RNF207: variants seen among roughly 807,000 people sequenced by gnomAD.
RNF207 encodes ring finger protein 207.
Under a neutral mutation model 79.0 loss-of-function variants are expected in RNF207, and 72 were observed. The ratio of observed to expected loss-of-function variants is 0.91; its 90% CI spans 0.75 to 1.11. RNF207 has a LOEUF of 1.11. RNF207 is among the 50% of genes least tolerant of loss of function. The pLI is 0.00. For missense variants in RNF207, 936 were observed against 855.8 expected (o/e 1.09, Z -1.17); for synonymous variants, 348 against 366.2 (o/e 0.95, Z 0.57).
chr1:6,211,810 G>A lies in RNF207; in HGVS notation c.1110-57G>A. Reference sequence around the variant, plus strand: ...GCAGTCCAGGGGGCTGCCCTGGGAGGCTGGGGGAGGGGCAGACTTCCCCAC... The same window carrying A: ...GCAGTCCAGGGGGCTGCCCTGGGAGACTGGGGGAGGGGCAGACTTCCCCAC... On this transcript the variant is annotated intron_variant, in intron 12 of 17. Coordinates refer to ENST00000377939, the MANE Select transcript of RNF207 (RefSeq NM_207396.3). This position sits in a 1 kb window ranked among gnomAD's most constrained non-coding sequence, Gnocchi z 4.2. The A allele has an allele frequency of 2.2e-6, 3 of 1,334,076 alleles. No homozygotes were observed. Among genetic ancestry groups the A allele is most frequent in the Non-Finnish European group, 3.1e-6 (3 of 962,542 alleles). The allele number at this position is 1,334,076 out of a possible 1,614,324, so 82.6% of individuals were successfully genotyped here.
At chr1:6,206,803 C>T in intron 2 of RNF207, 77 bp downstream of exon 2, 1 of 1,272,944 alleles carries the variant, frequency 7.9e-7, no homozygotes, top group South Asian at 1.4e-5. Context: ...CGAGCTGGGA[C>T]CCAGGTGCCA....
chr1:6,212,348 C>T lies in RNF207; in HGVS notation c.1414C>T (p.Leu472=). ...CATGGGAGACGTCCTGCACAAGTCC[C>T]TGCAACTGGACGTGCAGATCGCCTC... ...EIMGDVLHKS[L]QLDVQIASEH... is the part of the protein sequence containing the mutation. The change falls in exon 14 of 18, where the codon CTG becomes TTG. Residue 472 remains leucine, a synonymous_variant. Coordinates refer to ENST00000377939, the MANE Select transcript of RNF207 (RefSeq NM_207396.3). 6.2e-7 allele frequency: 1 copy of T among 1,613,960 alleles called. No individual in the cohort carries two copies. Among genetic ancestry groups the T allele is most frequent in the Middle Eastern group, 1.7e-4 (1 of 6,060 alleles).
chr1:6,218,365 G>A lies in RNF207; in HGVS notation c.1729G>A (p.Ala577Thr), dbSNP rs61746089. Residue 577 changes from alanine to threonine, a missense_variant, in exon 17 of 18, where the codon GCC becomes ACC. Physicochemically the swap from Ala to Thr is moderately conservative, Grantham distance 58. Coordinates refer to ENST00000377939, the MANE Select transcript of RNF207 (RefSeq NM_207396.3). ...HDDSRNNAAS[A>T]RNNPGSVPEK... is the part of the protein sequence containing the mutation. ...CGACAGCAGGAACAACGCGGCCTCA[G>A]CCAGGTAAAGCAAGTCTCTCCACTG... The A allele has an allele frequency of 9.0e-4, 1,448 of 1,611,550 alleles. 12 individuals carry two copies. The African/African-American group carries it at 0.017, about 19-fold the overall frequency.
At position 6,219,434 on chromosome 1, in the gene RNF207, G is replaced by T. The variant is rs774799538; in HGVS notation, c.*27G>T. 3.2e-6 allele frequency: 5 copies of T among 1,546,320 alleles called. No individual in the cohort carries two copies. Among genetic ancestry groups the T allele is most frequent in the Non-Finnish European group, 4.4e-6 (5 of 1,138,246 alleles). ...AAATGGGACCGGTCCCCAGGGTCAG[G>T]CTCTTAGAGCAGGCACAAGACTGGG... is the stretch of plus-strand genomic sequence containing the variant. On this transcript the variant is annotated 3_prime_UTR_variant, in exon 18 of 18. Transcript: ENST00000377939.
At position 6,209,323 on chromosome 1, in the gene RNF207, C is replaced by A. The variant is rs1668054741; in HGVS notation, c.607C>A (p.Arg203=). Residue 203 remains arginine, a synonymous_variant, in exon 6 of 18, where the codon CGG becomes AGG. Transcript: ENST00000377939. ...ATCGGCTTACGTGCAGGGCTGCGAG[C>A]GGCTGGAGCAGGCGGTGCTGGTGAG... ...LESAYVQGCE[R]LEQAVLAVKA... 6.5e-7 allele frequency: 1 copy of A among 1,546,156 alleles called. No homozygotes were observed. The highest frequency in any genetic ancestry group is 8.7e-7 in the Non-Finnish European group (1 of 1,146,546).
chr1:6,213,479 A>C (rs1250340134), intron 16 of RNF207, among the ~76,000 whole-genome samples: 1 of 151,902 alleles, frequency 6.6e-6, no homozygotes, highest in Non-Finnish European at 1.5e-5. Flanking sequence ...AAAAAAAAAA[A>C]AAAAAAAAAA....
rs1668522259 is a variant in RNF207 at position 6,220,785 on chromosome 1, T to A, written c.*1378T>A. ...TTTTCATTTAGAGGAGCTTAATAAATGCTTTTTAAAAAGTAACCCACGTGA... is the reference window on the plus strand; with the variant it reads ...TTTTCATTTAGAGGAGCTTAATAAAAGCTTTTTAAAAAGTAACCCACGTGA... On this transcript the variant is annotated 3_prime_UTR_variant, in exon 18 of 18. Transcript: ENST00000377939. 6.6e-6 allele frequency: 1 copy of A among 152,188 alleles called. No homozygotes were observed. Among genetic ancestry groups the A allele is most frequent in the South Asian group, 2.1e-4 (1 of 4,834 alleles). The allele number at this position is 152,188 out of a possible 1,614,324, so 9.4% of individuals were successfully genotyped here. A position where few individuals can be genotyped will look rare whatever the true frequency, so the allele number is the denominator to read the frequency against.
At chr1:6,210,109 A>G in intron 8 of RNF207, 114 bp from the exon 9 acceptor site, 1 of 1,301,130 alleles carries the variant, frequency 7.7e-7, no homozygotes, top group Non-Finnish European at 1.1e-6. Flanking sequence ...AGCATGGCTC[A>G]GGGTGCAGAG....
chr1:6,207,834 C>A lies in RNF207; in HGVS notation c.324+323C>A. ...AGTCCAGTTTGCAGGCCTGGGCCGA[C>A]CCTGAAGGGCCTCTGCTACCCAAGT... On this transcript the variant is annotated intron_variant, in intron 3 of 17. Transcript: ENST00000377939. This position sits in a 1 kb window ranked among gnomAD's most constrained non-coding sequence, Gnocchi z 4.5. The A allele has an allele frequency of 1.9e-6, 1 of 530,486 alleles. No individual in the cohort carries two copies. Among genetic ancestry groups the A allele is most frequent in the South Asian group, 1.7e-5 (1 of 59,576 alleles). 32.9% of individuals were successfully genotyped at this position (530,486 alleles called of 1,614,324 possible). A position where few individuals can be genotyped will look rare whatever the true frequency, so the allele number is the denominator to read the frequency against.
At chr1:6,210,716 G>A (rs1668126988) in intron 10 of RNF207, 154 bp from the exon 11 acceptor site, 1 of 728,296 alleles carries the variant, frequency 1.4e-6, no homozygotes, top group African/African-American at 1.7e-5. Flanking sequence ...GGATGGGATG[G>A]GGGTTTGTCC....
In RNF207 at chr1:6,221,034, C is replaced by A. The variant is rs990259961; in HGVS notation, c.*1627C>A. The A allele has an allele frequency of 2.6e-5, 4 of 152,288 alleles. No individual in the cohort carries two copies. The highest frequency in any genetic ancestry group is 5.9e-5 in the Non-Finnish European group (4 of 68,022). The allele number at this position is 152,288 out of a possible 1,614,324, so 9.4% of individuals were successfully genotyped here. A position where few individuals can be genotyped will look rare whatever the true frequency, so the allele number is the denominator to read the frequency against. ...AAGGCCTTACAAACCTATGTGGTGG[C>A]CTGCAGGGCAAAAGGAATTATCATT... On this transcript the variant is annotated 3_prime_UTR_variant, in exon 18 of 18. Coordinates refer to ENST00000377939, the MANE Select transcript of RNF207 (RefSeq NM_207396.3).
At chr1:6,210,189 G>T in intron 8 of RNF207, 34 bp from the exon 9 acceptor site, 1 of 1,579,216 alleles carries the variant, frequency 6.3e-7, no homozygotes, top group Non-Finnish European at 8.7e-7. Flanking sequence ...CCTGCTCCTG[G>T]CCCCCTGGAA....
In RNF207 at chr1:6,218,180, A is replaced by G. The variant is rs1044174821; in HGVS notation, c.1653-109A>G. The G allele has an allele frequency of 1.8e-5, 13 of 711,288 alleles. No homozygotes were observed. In the African/African-American group the frequency reaches 2.1e-4, roughly 12 times the overall value. 44.1% of individuals were successfully genotyped at this position (711,288 alleles called of 1,614,324 possible). On this transcript the variant is annotated intron_variant, in intron 16 of 17. Coordinates refer to ENST00000377939, the MANE Select transcript of RNF207 (RefSeq NM_207396.3). Reference sequence around the variant, plus strand: ...TTGAGGAGCAAAAGAATGAAACGCTAGGTGGGTGCATGAGTGGTGGCAGAG... The same window carrying G: ...TTGAGGAGCAAAAGAATGAAACGCTGGGTGGGTGCATGAGTGGTGGCAGAG...
chr1:6,218,300 C>T lies in RNF207; in HGVS notation c.1664C>T (p.Pro555Leu), dbSNP rs1668429042. 6.2e-7 allele frequency: 1 copy of T among 1,613,820 alleles called. No individual in the cohort carries two copies. The highest frequency in any genetic ancestry group is 1.1e-5 in the South Asian group (1 of 91,076). ...KERLEPRFQA[P>L]VDEQSESLQN... ...CACTCCCTTGCCAGGTTTCAGGCAC[C>T]CGTGGATGAGCAGTCAGAGAGTCTA... is the stretch of plus-strand genomic sequence containing the variant. The change falls in exon 17 of 18, where the codon CCC becomes CTC. Residue 555 changes from proline (P) to leucine (L), a missense_variant. Coordinates refer to ENST00000377939, the MANE Select transcript of RNF207 (RefSeq NM_207396.3).
rs1309582266 is a variant in RNF207, at chr1:6,219,422, C to A, written c.*15C>A. On this transcript the variant is annotated 3_prime_UTR_variant, in exon 18 of 18. Coordinates refer to ENST00000377939, the MANE Select transcript of RNF207 (RefSeq NM_207396.3). ...ACCCGACTTAGCAAATGGGACCGGT[C>A]CCCAGGGTCAGGCTCTTAGAGCAGG... The A allele has an allele frequency of 6.3e-7, 1 of 1,582,620 alleles. No homozygotes were observed. Among genetic ancestry groups the A allele is most frequent in the Non-Finnish European group, 8.6e-7 (1 of 1,161,200 alleles).
chr1:6,219,720 C>T lies in RNF207; in HGVS notation c.*313C>T, dbSNP rs1406417181. The T allele has an allele frequency of 6.0e-6, 1 of 166,768 alleles. No individual in the cohort carries two copies. The highest frequency in any genetic ancestry group is 1.6e-4 in the East Asian group (1 of 6,292). The allele number at this position is 166,768 out of a possible 1,614,324, so 10.3% of individuals were successfully genotyped here. A position where few individuals can be genotyped will look rare whatever the true frequency, so the allele number is the denominator to read the frequency against. Reference sequence around the variant, plus strand: ...TGTTGGCCAGGCTGGTCTCAAACGCCAGACCTCAGGTGATCCACCTGCCTC... The same window carrying T: ...TGTTGGCCAGGCTGGTCTCAAACGCTAGACCTCAGGTGATCCACCTGCCTC... On this transcript the variant is annotated 3_prime_UTR_variant, in exon 18 of 18. Transcript: ENST00000377939.
intron 13 of RNF207, 64 bp from the exon 14 acceptor site, chr1:6,212,167 C>T: frequency 6.4e-7 from 1 of 1,552,592 alleles, no homozygotes; most frequent in Admixed American, 1.8e-5. Flanking sequence ...CATTCCTCCA[C>T]CAAGTCCATG....
At chr1:6,212,834 C>G in intron 15 of RNF207, 101 bp downstream of exon 15, 1 of 1,008,574 alleles carries the variant, frequency 9.9e-7, no homozygotes. Context: ...GATGCAAATC[C>G]CCACACTCTT....
chr1:6,209,644 G>C (rs1557585593), intron 7 of RNF207, 105 bp downstream of exon 7: 1 of 1,309,380 alleles, frequency 7.6e-7, no homozygotes, highest in Non-Finnish European at 1.0e-6. Flanking sequence ...AGCAGGCCTT[G>C]CACCAAGCAC....
Sources: allele counts gnomAD v4.1 joint callset (sites outside exome capture counted in the v4.1 genomes callset), GRCh38; gene constraint gnomAD v4.1.1; non-coding constraint Gnocchi (gnomAD v3.1); transcripts MANE v1.5; gene names NCBI Gene and HGNC (gene_info 2026-07-23, HGNC 2026-07-21).